MSX1: variants seen among roughly 807,000 people sequenced by gnomAD.
MSX1 encodes homeobox protein MSX-1.
MSX1 carries 11 observed loss-of-function variants against 17.0 expected under a neutral mutation model. The observed-to-expected ratio is 0.65, with a 90% CI of 0.41 to 1.07. The LOEUF (loss-of-function observed/expected upper bound fraction) is 1.07. MSX1 is among the 50% of genes least tolerant of loss of function. MSX1 has a pLI of 0.00. For synonymous variants in MSX1, 253 were observed against 211.8 expected, an observed-to-expected ratio of 1.19 and a Z score of -1.69; for missense variants, 477 against 440.1, an observed-to-expected ratio of 1.08 and a Z score of -0.75.
rs373089119 is a variant in MSX1 at position 4,859,884 on chromosome 4, G to C, written c.-16G>C. 1.0e-5 allele frequency: 15 copies of C among 1,476,240 alleles called. No individual in the cohort carries two copies. The highest frequency in any genetic ancestry group is 9.6e-5 in the Admixed American group (4 of 41,534). 91.4% of individuals were successfully genotyped at this position (1,476,240 alleles called of 1,614,324 possible). A position where few individuals can be genotyped will look rare whatever the true frequency, so the allele number is the denominator to read the frequency against. On this transcript the variant is annotated 5_prime_UTR_variant, in exon 1 of 2. Coordinates refer to ENST00000382723, the MANE Select transcript of MSX1 (RefSeq NM_002448.3). Reference sequence around the variant, plus strand: ...GGCTGGCCAGTGCTGCGGCAGAAGGGGGGGCCCGGCTCTGCATGGCCCCGG... The same window carrying C: ...GGCTGGCCAGTGCTGCGGCAGAAGGCGGGGCCCGGCTCTGCATGGCCCCGG...
rs1026210073 is a variant in MSX1, at chr4:4,859,670, C to T, written c.-230C>T. The T allele has an allele frequency of 1.4e-3, 255 of 186,228 alleles. 2 individuals are homozygous for T. The highest frequency in any genetic ancestry group is 5.7e-3 in the African/African-American group (239 of 42,300). 11.5% of individuals were successfully genotyped at this position (186,228 alleles called of 1,614,324 possible). A position where few individuals can be genotyped will look rare whatever the true frequency, so the allele number is the denominator to read the frequency against. On this transcript the variant is annotated 5_prime_UTR_variant, in exon 1 of 2. Coordinates refer to ENST00000382723, the MANE Select transcript of MSX1 (RefSeq NM_002448.3). ...GTTCTCTGGGGAGCCGCGGTAGGGC[C>T]CGGAGCCGGCGAGTGCTCCCGGGAA...
chr4:4,862,045 C>T (rs1737928906), intron 1 of MSX1, among the ~76,000 whole-genome samples: 2 of 152,216 alleles, frequency 1.3e-5, no homozygotes, highest in South Asian at 4.1e-4. Flanking sequence ...CTCCAGATGA[C>T]ACTTTCTGTT....
intron 1 of MSX1, chr4:4,862,281 G>C: frequency 2.8e-6 from 1 of 351,558 alleles, no homozygotes; most frequent in South Asian, 2.5e-5. Flanking sequence ...CCTTGGGCTG[G>C]GCGCAGGGCC....
Position 4,863,092 on chromosome 4 carries a change from C to G in MSX1, c.861C>G (p.Pro287=), listed in dbSNP as rs773095156. 158 of 1,609,438 alleles carry G rather than the reference C, an allele frequency of 9.8e-5. No individual in the cohort carries two copies. The highest frequency in any genetic ancestry group is 1.2e-4 in the Non-Finnish European group (143 of 1,179,042). The change falls in exon 2 of 2, where the codon CCC becomes CCG. Residue 287 remains proline (P), a synonymous_variant. Coordinates refer to ENST00000382723, the MANE Select transcript of MSX1 (RefSeq NM_002448.3). ...AGCGCGCCGCGCTGCCTGTGGCGCC[C>G]GTGGGACTCTACACGGCCCATGTGG... is the stretch of plus-strand genomic sequence containing the variant. ...PFQRAALPVA[P]VGLYTAHVGY... is the part of the protein sequence containing the mutation.
chr4:4,860,128 G>A lies in MSX1; in HGVS notation c.229G>A (p.Glu77Lys). The change falls in exon 1 of 2, where the codon GAG becomes AAG. Residue 77 changes from glutamate to lysine, a missense_variant. Physicochemically the swap from Glu to Lys is moderately conservative, Grantham distance 56. Transcript: ENST00000382723. ...MADHRKPGAKESALAPSEGVQ... is the reference protein window; with the variant it reads ...MADHRKPGAKKSALAPSEGVQ... ...CGACCACAGGAAGCCGGGGGCCAAG[G>A]AGAGCGCCCTGGCGCCCTCCGAGGG... The A allele has an allele frequency of 6.6e-7, 1 of 1,514,836 alleles. No individual in the cohort carries two copies. 93.8% of individuals were successfully genotyped at this position (1,514,836 alleles called of 1,614,324 possible).
rs1737962113 is a variant in MSX1 at position 4,863,112 on chromosome 4, A to G, written c.881A>G (p.His294Arg). ...GCGCCCGTGGGACTCTACACGGCCCATGTGGGCTACAGCATGTACCACCTG... is the reference window on the plus strand; with the variant it reads ...GCGCCCGTGGGACTCTACACGGCCCGTGTGGGCTACAGCATGTACCACCTG... ...PVAPVGLYTA[H>R]VGYSMYHLT Residue 294 changes from histidine to arginine, a missense_variant, in exon 2 of 2, where the codon CAT becomes CGT. Transcript: ENST00000382723. 2 of 1,608,796 alleles carry G rather than the reference A, an allele frequency of 1.2e-6. No homozygotes were observed. The highest frequency in any genetic ancestry group is 1.7e-6 in the Non-Finnish European group (2 of 1,179,566).
At chr4:4,860,482 A>C (rs941269567) in intron 1 of MSX1, 114 bp downstream of exon 1, 1 of 1,352,358 alleles carries the variant, frequency 7.4e-7, no homozygotes, top group African/African-American at 1.4e-5. Flanking sequence ...AGCCGGTGCT[A>C]GGGAGCCGTG....
Position 4,859,892 on chromosome 4 carries a change from G to A in MSX1, c.-8G>A. 6.7e-7 allele frequency: 1 copy of A among 1,482,000 alleles called. No individual in the cohort carries two copies. The highest frequency in any genetic ancestry group is 9.0e-7 in the Non-Finnish European group (1 of 1,115,652). 91.8% of individuals were successfully genotyped at this position (1,482,000 alleles called of 1,614,324 possible). A position where few individuals can be genotyped will look rare whatever the true frequency, so the allele number is the denominator to read the frequency against. Reference sequence around the variant, plus strand: ...AGTGCTGCGGCAGAAGGGGGGGCCCGGCTCTGCATGGCCCCGGCTGCTGAC... The same window carrying A: ...AGTGCTGCGGCAGAAGGGGGGGCCCAGCTCTGCATGGCCCCGGCTGCTGAC... On this transcript the variant is annotated 5_prime_UTR_variant, in exon 1 of 2. Transcript: ENST00000382723.
Position 4,860,032 on chromosome 4 carries a change from G to C in MSX1, c.133G>C (p.Ala45Pro). Residue 45 changes from alanine to proline, a missense_variant, in exon 1 of 2, where the codon GCG becomes CCG. Around this residue, in one of 3 missense-constraint regions of MSX1, gnomAD observed 355 missense variants for 306.1 expected, o/e 1.16. Coordinates refer to ENST00000382723, the MANE Select transcript of MSX1 (RefSeq NM_002448.3). The part of the protein sequence containing the change: ...AAAATAAAMG[A>P]DEEGAKPKVS... ...CGCGGCCACGGCAGCCGCCATGGGC[G>C]CGGACGAGGAGGGGGCCAAGCCCAA... is the stretch of plus-strand genomic sequence containing the variant. 1 of 1,507,042 alleles carries C rather than the reference G, an allele frequency of 6.6e-7. No individual in the cohort carries two copies. Among genetic ancestry groups the C allele is most frequent in the South Asian group, 1.3e-5 (1 of 79,344 alleles). The allele number at this position is 1,507,042 out of a possible 1,614,324, so 93.4% of individuals were successfully genotyped here.
At position 4,863,313 on chromosome 4, in the gene MSX1, C is replaced by T; in HGVS notation, c.*170C>T. 1.4e-6 allele frequency: 1 copy of T among 690,296 alleles called. No homozygotes were observed. Among genetic ancestry groups the T allele is most frequent in the Non-Finnish European group, 2.4e-6 (1 of 411,020 alleles). 42.8% of individuals were successfully genotyped at this position (690,296 alleles called of 1,614,324 possible). On this transcript the variant is annotated 3_prime_UTR_variant, in exon 2 of 2. Transcript: ENST00000382723. ...TCACTCTCCGAAGTCTGATCCCTGC[C>T]AAAAAGTGGCTGGAAGAGTCCCTTA...
In MSX1 at chr4:4,860,003, C is replaced by T; in HGVS notation, c.104C>T (p.Ala35Val). The T allele has an allele frequency of 6.7e-7, 1 of 1,497,174 alleles. No homozygotes were observed. Among genetic ancestry groups the T allele is most frequent in the Non-Finnish European group, 8.9e-7 (1 of 1,124,598 alleles). The allele number at this position is 1,497,174 out of a possible 1,614,324, so 92.7% of individuals were successfully genotyped here. A position where few individuals can be genotyped will look rare whatever the true frequency, so the allele number is the denominator to read the frequency against. The change falls in exon 1 of 2, where the codon GCC (alanine) becomes GTC (valine). Residue 35 changes from alanine (A) to valine (V), a missense_variant. By Grantham distance (64) the Ala-to-Val change is moderately conservative (BLOSUM62 0). Transcript: ENST00000382723. ...GGAGGCGCGGGCCAGGCCCCCAGCG[C>T]CGCCGCGGCCACGGCAGCCGCCATG... The part of the protein sequence containing the change: ...AGGGAGQAPS[A>V]AAATAAAMGA...
At chr4:4,862,338 G>A in intron 1 of MSX1, 1 of 435,212 alleles carries the variant, frequency 2.3e-6, no homozygotes, top group African/African-American at 2.0e-5. Flanking sequence ...CTTTCCTCTG[G>A]ATGGCCCTGG....
Position 4,860,454 on chromosome 4 carries a change from C to G in MSX1, c.469+86C>G, listed in dbSNP as rs1340359684. ...GGACCCGAGGGCTCCTGGTGGCCTC[C>G]GGCGCCTGCGTACCTGCAGCCGGTG... On this transcript the variant is annotated intron_variant, in intron 1 of 1. Coordinates refer to ENST00000382723, the MANE Select transcript of MSX1 (RefSeq NM_002448.3). 12 of 1,483,976 alleles carry G rather than the reference C, an allele frequency of 8.1e-6. No homozygotes were observed. In the African/African-American group the frequency reaches 1.5e-4, roughly 19 times the overall value. The allele number at this position is 1,483,976 out of a possible 1,614,324, so 91.9% of individuals were successfully genotyped here.
Position 4,860,076 on chromosome 4 carries a change from G to T in MSX1, c.177G>T (p.Leu59=). The change falls in exon 1 of 2, where the codon CTG becomes CTT. Residue 59 remains leucine (L), a synonymous_variant. Coordinates refer to ENST00000382723, the MANE Select transcript of MSX1 (RefSeq NM_002448.3). Reference sequence around the variant, plus strand: ...AGCCCAAAGTGTCCCCTTCGCTCCTGCCCTTCAGCGTGGAGGCGCTCATGG... The same window carrying T: ...AGCCCAAAGTGTCCCCTTCGCTCCTTCCCTTCAGCGTGGAGGCGCTCATGG... ...GAKPKVSPSL[L]PFSVEALMAD... is the part of the protein sequence containing the mutation. The T allele has an allele frequency of 2.6e-6, 4 of 1,522,538 alleles. No individual in the cohort carries two copies. Among genetic ancestry groups the T allele is most frequent in the Non-Finnish European group, 3.5e-6 (4 of 1,137,082 alleles). The allele number at this position is 1,522,538 out of a possible 1,614,324, so 94.3% of individuals were successfully genotyped here.
At position 4,860,017 on chromosome 4, in the gene MSX1, G is replaced by A. The variant is rs567075790; in HGVS notation, c.118G>A (p.Ala40Thr). 2.0e-6 allele frequency: 3 copies of A among 1,502,146 alleles called. No homozygotes were observed. Among genetic ancestry groups the A allele is most frequent in the East Asian group, 5.5e-5 (2 of 36,040 alleles). The allele number at this position is 1,502,146 out of a possible 1,614,324, so 93.1% of individuals were successfully genotyped here. A position where few individuals can be genotyped will look rare whatever the true frequency, so the allele number is the denominator to read the frequency against. ...GGCCCCCAGCGCCGCCGCGGCCACG[G>A]CAGCCGCCATGGGCGCGGACGAGGA... ...GQAPSAAAATAAAMGADEEGA... is the reference protein window; with the variant it reads ...GQAPSAAAATTAAMGADEEGA... Residue 40 changes from alanine (A) to threonine (T), a missense_variant, in exon 1 of 2, where the codon GCA (alanine) becomes ACA (threonine). This residue lies in a region of MSX1 where 355 missense variants were observed against 306.1 expected (regional missense o/e 1.16). Transcript: ENST00000382723.
chr4:4,863,222 G>GGTGCCGA lies in MSX1; in HGVS notation c.*80_*81insTGCCGAG. ...GTACCCCCGACGTGCTCCCCTGCTCGGCACCGCCAGCCGCCTTCCCTTTAA... is the reference window on the plus strand; with the variant it reads ...GTACCCCCGACGTGCTCCCCTGCTCGGTGCCGAGCACCGCCAGCCGCCTTCCCTTTAA... On this transcript the variant is annotated 3_prime_UTR_variant, in exon 2 of 2. Transcript: ENST00000382723. The GGTGCCGA allele has an allele frequency of 7.0e-7, 1 of 1,429,074 alleles. No individual in the cohort carries two copies. Among genetic ancestry groups the GGTGCCGA allele is most frequent in the Non-Finnish European group, 9.5e-7 (1 of 1,052,628 alleles). 88.5% of individuals were successfully genotyped at this position (1,429,074 alleles called of 1,614,324 possible). A position where few individuals can be genotyped will look rare whatever the true frequency, so the allele number is the denominator to read the frequency against.
rs530217423 is a variant in MSX1, at chr4:4,859,985, C to T, written c.86C>T (p.Ala29Val). Residue 29 changes from alanine (A) to valine (V), a missense_variant, in exon 1 of 2, where the codon GCG becomes GTG. By Grantham distance (64) the Ala-to-Val change is moderately conservative. Transcript: ENST00000382723. The part of the protein sequence containing the change: ...SAFGKPAGGG[A>V]GQAPSAAAAT... ...TTCGGCAAGCCGGCGGGGGGAGGCG[C>T]GGGCCAGGCCCCCAGCGCCGCCGCG... The T allele has an allele frequency of 1.4e-3, 2,023 of 1,483,012 alleles. 93 individuals are homozygous for T. The Admixed American group carries it at 0.046, about 34-fold the overall frequency. 91.9% of individuals were successfully genotyped at this position (1,483,012 alleles called of 1,614,324 possible).
In MSX1 at chr4:4,863,423, C is replaced by G. The variant is rs1026609461; in HGVS notation, c.*280C>G. Reference sequence around the variant, plus strand: ...AGAGGTTAACAGATTTATCTAAGGTCCCCAGCAGAATTGACAGTTGAACAG... The same window carrying G: ...AGAGGTTAACAGATTTATCTAAGGTGCCCAGCAGAATTGACAGTTGAACAG... On this transcript the variant is annotated 3_prime_UTR_variant, in exon 2 of 2. Transcript: ENST00000382723. 2.3e-6 allele frequency: 1 copy of G among 436,494 alleles called. No homozygotes were observed. The highest frequency in any genetic ancestry group is 4.2e-6 in the Non-Finnish European group (1 of 240,734). The allele number at this position is 436,494 out of a possible 1,614,324, so 27.0% of individuals were successfully genotyped here. A position where few individuals can be genotyped will look rare whatever the true frequency, so the allele number is the denominator to read the frequency against.
Position 4,863,173 on chromosome 4 carries a change from G to T in MSX1, c.*30G>T. 11 of 1,569,738 alleles carry T rather than the reference G, an allele frequency of 7.0e-6. No individual in the cohort carries two copies. Among genetic ancestry groups the T allele is most frequent in the Non-Finnish European group, 9.4e-6 (11 of 1,164,766 alleles). ...TCCCAGGTCGCCCACCTGTGGGCCA[G>T]CCGATTCCTCCAGCCCTGGTGCTGT... On this transcript the variant is annotated 3_prime_UTR_variant, in exon 2 of 2. Transcript: ENST00000382723.
Sources: allele counts gnomAD v4.1 joint callset (sites outside exome capture counted in the v4.1 genomes callset), GRCh38; gene constraint gnomAD v4.1.1; regional missense constraint gnomAD v4.1.1; transcripts MANE v1.5; gene names NCBI Gene and HGNC (gene_info 2026-07-23, HGNC 2026-07-21).